The following ATP10B variants were observed in gnomAD, a reference collection of about 807,000 sequenced individuals.
ATP10B encodes ATPase phospholipid transporting 10B (putative).
Under a neutral mutation model 141.2 loss-of-function variants are expected in ATP10B, and 122 were observed. That is an observed-to-expected ratio of 0.86 (90% CI 0.75 to 1.00). The LOEUF is 1.00. Among genes scored for constraint, ATP10B ranks in the 50% least tolerant of loss-of-function variants. The pLI is 0.00. For synonymous variants in ATP10B, 685 were observed against 692.0 expected, an observed-to-expected ratio of 0.99 and a Z score of 0.16; for missense variants, 1,876 against 1,825.3, an observed-to-expected ratio of 1.03 and a Z score of -0.51.
intron 22 of ATP10B, among the ~76,000 whole-genome samples, chr5:160,597,239 T>C (rs543275448): frequency 1.4e-4 from 21 of 152,100 alleles, no homozygotes; most frequent in Non-Finnish European, 1.6e-4. Flanking sequence ...GAAATAATGC[T>C]GCATATCTAC....
intron 2 of ATP10B, among the ~76,000 whole-genome samples, chr5:160,721,975 G>A (rs987448769): frequency 9.9e-5 from 15 of 152,154 alleles, no homozygotes; most frequent in Admixed American, 9.8e-4. Flanking sequence ...CAACCTCTCA[G>A]GATCTCAATT....
Position 160,620,705 on chromosome 5 carries a change from G to T in ATP10B, c.2058C>A (p.Asp686Glu), listed in dbSNP as rs1247650428. ...DDGGYRSSMW[D>E]QGDILESGSG... ...ACCCAGACTCCAGGATGTCGCCCTG[G>T]TCCCACATGCTGCTCCTGTAGCCAC... The change falls in exon 15 of 26, where the codon GAC (aspartate) becomes GAA (glutamate). Residue 686 changes from aspartate (D) to glutamate (E), a missense_variant. Physicochemically the swap from Asp to Glu is conservative, Grantham distance 45. Transcript: ENST00000327245. 1 of 1,614,166 alleles carries T rather than the reference G, an allele frequency of 6.2e-7. No individual in the cohort carries two copies. Among genetic ancestry groups the T allele is most frequent in the Admixed American group, 1.7e-5 (1 of 60,022 alleles).
chr5:160,885,950 C>A, the ATP10B span, among the ~76,000 whole-genome samples: 1 of 152,136 alleles, frequency 6.6e-6, no homozygotes, highest in African/African-American at 2.4e-5. Flanking sequence ...ATTTTTGTAT[C>A]CTCCACAGTA....
Position 160,620,475 on chromosome 5 carries a change from G to T in ATP10B, c.2288C>A (p.Thr763Asn). Residue 763 changes from threonine (T) to asparagine (N), a missense_variant, in exon 15 of 26, where the codon ACC becomes AAC. Coordinates refer to ENST00000327245, the MANE Select transcript of ATP10B (RefSeq NM_025153.3). ...CTTCCTGACAGAGTCAAAGCCCAGG[G>T]TGCAGAGGAGGCTGAAGGTGAGGCA... ...GTCLTFSLLC[T>N]LGFDSVRKRM... is the part of the protein sequence containing the mutation. The T allele has an allele frequency of 1.2e-6, 2 of 1,614,234 alleles. No individual in the cohort carries two copies. Among genetic ancestry groups the T allele is most frequent in the South Asian group, 2.2e-5 (2 of 91,086 alleles).
At chr5:160,911,455 C>A in the ATP10B span, among the ~76,000 whole-genome samples, 1 of 152,090 alleles carries the variant, frequency 6.6e-6, no homozygotes, top group African/African-American at 2.4e-5. Context: ...TTCCGTTCAC[C>A]AAATGTGGCC....
chr5:160,589,644 G>C lies in ATP10B; in HGVS notation c.3698C>G (p.Thr1233Ser). 2 of 1,614,094 alleles carry C rather than the reference G, an allele frequency of 1.2e-6. No homozygotes were observed. The highest frequency in any genetic ancestry group is 1.7e-6 in the Non-Finnish European group (2 of 1,179,980). The change falls in exon 24 of 26, where the codon ACC becomes AGC. Residue 1233 changes from threonine (T) to serine (S), a missense_variant. Thr to Ser is a moderately conservative substitution (Grantham distance 58, BLOSUM62 1). Transcript: ENST00000327245. ...DVFTFGTPINTISLTTILLHQ... is the reference protein window; with the variant it reads ...DVFTFGTPINSISLTTILLHQ... ...CAAAAGGATTGTGGTGAGGGAGATG[G>C]TGTTGATTGGTGTCCCAAAGGTAAA...
chr5:160,755,078 G>A (rs1341063602), intron 2 of ATP10B, among the ~76,000 whole-genome samples: 2 of 152,180 alleles, frequency 1.3e-5, no homozygotes, highest in African/African-American at 4.8e-5. Context: ...ATGAAGCAAA[G>A]AGGTTTAATT....
At chr5:160,651,518 A>G (rs912406703) in intron 7 of ATP10B, among the ~76,000 whole-genome samples, 1 of 152,042 alleles carries the variant, frequency 6.6e-6, no homozygotes, top group Non-Finnish European at 1.5e-5. Flanking sequence ...AACAGAATCT[A>G]TGTGTTAAAG....
intron 2 of ATP10B, among the ~76,000 whole-genome samples, chr5:160,741,712 AT>A (rs1767494964): frequency 6.6e-6 from 1 of 152,204 alleles, no homozygotes. Flanking sequence ...TATTAACTCC[AT>A]ATGAGCCCAG....
rs115228911 is a variant in ATP10B at position 160,744,796 on chromosome 5, G to A, written c.-330-27762C>T. 8.0e-3 allele frequency among the ~76,000 whole-genome samples: 1,216 copies of A among 152,308 alleles called. 24 individuals are homozygous for A. Among genetic ancestry groups the A allele is most frequent in the African/African-American group, 0.028 (1,170 of 41,558 alleles). ...GACAATTTACATATGTTAAGTCTCC[G>A]TAGATAGTAAATGCAAACGACGATT... is the stretch of plus-strand genomic sequence containing the variant. On this transcript the variant is annotated intron_variant, in intron 2 of 25. Coordinates refer to ENST00000327245, the MANE Select transcript of ATP10B (RefSeq NM_025153.3).
At chr5:160,586,756 T>C (rs1471454400) in intron 24 of ATP10B, among the ~76,000 whole-genome samples, 1 of 152,198 alleles carries the variant, frequency 6.6e-6, no homozygotes, top group Non-Finnish European at 1.5e-5. Context: ...TGTTTGTTGG[T>C]CACATAAATG....
chr5:160,821,920 A>C (rs2127963083), intron 1 of ATP10B, among the ~76,000 whole-genome samples: 1 of 152,272 alleles, frequency 6.6e-6, no homozygotes, highest in South Asian at 2.1e-4. Context: ...GAAAGCAAAC[A>C]TTAAGGAAAT....
At chr5:160,654,294 T>G (rs534777632) in intron 7 of ATP10B, among the ~76,000 whole-genome samples, 1 of 151,816 alleles carries the variant, frequency 6.6e-6, no homozygotes, top group South Asian at 2.1e-4. Context: ...TGTTCAGGAG[T>G]TTCTGATTCC....
intron 1 of ATP10B, among the ~76,000 whole-genome samples, chr5:160,810,890 A>G (rs180910078): frequency 2.6e-5 from 4 of 152,000 alleles, no homozygotes; most frequent in East Asian, 1.9e-4. Flanking sequence ...ACTTTATCCT[A>G]TTTGGGGTTT....
intron 1 of ATP10B, among the ~76,000 whole-genome samples, chr5:160,830,553 CCTTA>C (rs1256370138): frequency 6.6e-6 from 1 of 151,968 alleles, no homozygotes; most frequent in African/African-American, 2.4e-5. Context: ...TTGATTTGAG[CCTTA>C]CTTTTTACTT....
In ATP10B at chr5:160,785,553, T is replaced by C. The variant is rs1371657092; in HGVS notation, c.-331+6A>G. On this transcript the variant is annotated splice_donor_region_variant and intron_variant, in intron 2 of 25. Transcript: ENST00000327245. ...GACCCCACTGCCCAAGAAGTAAAGA[T>C]AGTACCTGATAGGTAGATTTCAAGT... 3.1e-6 allele frequency: 2 copies of C among 648,236 alleles called. No homozygotes were observed. Among genetic ancestry groups the C allele is most frequent in the Admixed American group, 2.3e-5 (1 of 42,764 alleles). 40.2% of individuals were successfully genotyped at this position (648,236 alleles called of 1,614,324 possible). A position where few individuals can be genotyped will look rare whatever the true frequency, so the allele number is the denominator to read the frequency against.
chr5:160,622,404 G>T lies in ATP10B; in HGVS notation c.1802C>A (p.Pro601His). The T allele has an allele frequency of 6.2e-7, 1 of 1,612,670 alleles. No homozygotes were observed. The highest frequency in any genetic ancestry group is 8.5e-7 in the Non-Finnish European group (1 of 1,179,540). The change falls in exon 14 of 26, where the codon CCC (proline) becomes CAC (histidine). Residue 601 changes from proline to histidine, a missense_variant. Coordinates refer to ENST00000327245, the MANE Select transcript of ATP10B (RefSeq NM_025153.3). Reference sequence around the variant, plus strand: ...ATCGCTGGTCCTTACCCTCTGCCTGGGCTCGGTGGTTGTGGACACCATGAC... The same window carrying T: ...ATCGCTGGTCCTTACCCTCTGCCTGTGCTCGGTGGTTGTGGACACCATGAC... ...NSVMVSTTTEPRQRVTIKPSS... is the reference protein window; with the variant it reads ...NSVMVSTTTEHRQRVTIKPSS...
chr5:160,704,791 C>T (rs1764882022), intron 3 of ATP10B, among the ~76,000 whole-genome samples: 1 of 152,100 alleles, frequency 6.6e-6, no homozygotes, highest in Admixed American at 6.5e-5. Context: ...GATAACTTGC[C>T]ACAGCTTCTA....
chr5:160,697,836 C>A (rs894352017), intron 3 of ATP10B, among the ~76,000 whole-genome samples: 2 of 152,164 alleles, frequency 1.3e-5, no homozygotes, highest in African/African-American at 2.4e-5. Flanking sequence ...CCACACTCAG[C>A]CCTCATCACT....
Sources: gnomAD v4.1 joint callset for allele counts (sites outside exome capture counted in the v4.1 genomes callset) on GRCh38, gnomAD v4.1.1 for gene constraint, MANE v1.5 for transcripts, NCBI Gene and HGNC (gene_info 2026-07-23, HGNC 2026-07-21) for gene names.